TNPO1: variants seen among roughly 807,000 people sequenced by gnomAD.
TNPO1 encodes transportin 1.
Under a neutral mutation model 119.5 loss-of-function variants are expected in TNPO1, and 8 were observed. That is an observed-to-expected ratio of 0.07 (90% confidence interval 0.04 to 0.12). The LOEUF is 0.12. Ranked by LOEUF, TNPO1 falls within the 10% of genes least tolerant of loss-of-function variation. The pLI, the probability that TNPO1 is intolerant of heterozygous loss-of-function variation, is 1.00. For synonymous variants in TNPO1, 362 were observed against 363.0 expected, an observed-to-expected ratio of 1.00 and a Z score of 0.03; for missense variants, 576 against 1,089.8, an observed-to-expected ratio of 0.53 and a Z score of 6.64.
chr5:72,908,530 A>G (rs1750335225), intron 24 of TNPO1, among the ~76,000 whole-genome samples, 179 bp from the exon 25 acceptor site: 3 of 152,198 alleles, frequency 2.0e-5, no homozygotes, highest in East Asian at 1.9e-4. Flanking sequence ...ATTCAGTGCC[A>G]TAGGAGAAGG....
At position 72,893,124 on chromosome 5, in the gene TNPO1, CT is replaced by C; in HGVS notation, c.1789-12del. 1 of 1,601,520 alleles carries C rather than the reference CT, an allele frequency of 6.2e-7. No individual in the cohort carries two copies. The highest frequency in any genetic ancestry group is 8.5e-7 in the Non-Finnish European group (1 of 1,172,400). ...ATACCCAGAAAGTTTAGCATGTGTA[CT>C]TTATTCTTCCTAGTGCCTATCTTCA... On this transcript the variant is annotated splice_polypyrimidine_tract_variant and intron_variant, in intron 15 of 24. Coordinates refer to ENST00000337273, the MANE Select transcript of TNPO1 (RefSeq NM_002270.4).
chr5:72,884,063 G>T (rs1467675583), intron 11 of TNPO1, among the ~76,000 whole-genome samples: 1 of 152,084 alleles, frequency 6.6e-6, no homozygotes, highest in South Asian at 2.1e-4. Flanking sequence ...TGTGTATTCA[G>T]TTCTCTTGGG....
chr5:72,887,804 A>G (rs1748765350), intron 12 of TNPO1, among the ~76,000 whole-genome samples: 1 of 152,228 alleles, frequency 6.6e-6, no homozygotes, highest in Non-Finnish European at 1.5e-5. Flanking sequence ...AAACACAATA[A>G]GGCAAGACTC....
intron 3 of TNPO1, among the ~76,000 whole-genome samples, chr5:72,854,023 ATTC>A (rs1390670300): frequency 1.3e-5 from 2 of 152,222 alleles, no homozygotes; most frequent in African/African-American, 4.8e-5. Flanking sequence ...GTTTATTAAA[ATTC>A]TTCATCTTGT....
chr5:72,856,704 C>G lies in TNPO1; in HGVS notation c.355+781C>G, dbSNP rs1746028681. Reference sequence around the variant, plus strand: ...AGCCTTGTCAGTAATTCAGCAGCAACTTTTTAGTCTTTTCAGAGCGTTCAG... The same window carrying G: ...AGCCTTGTCAGTAATTCAGCAGCAAGTTTTTAGTCTTTTCAGAGCGTTCAG... On this transcript the variant is annotated intron_variant, in intron 4 of 24. Coordinates refer to ENST00000337273, the MANE Select transcript of TNPO1 (RefSeq NM_002270.4). Among the ~76,000 whole-genome samples, 3 of 152,256 alleles carry G rather than the reference C, an allele frequency of 2.0e-5. No homozygotes were observed. The South Asian group carries it at 6.2e-4, about 32-fold the overall frequency.
At position 72,893,369 on chromosome 5, in the gene TNPO1, A is replaced by T. The variant is rs773355071; in HGVS notation, c.1897-8A>T. ...CAAACTTACAAAAAACATTGTGTCT[A>T]ATTTCAGCTAAACAATGCTCAACCA... On this transcript the variant is annotated splice_region_variant and splice_polypyrimidine_tract_variant and intron_variant, in intron 16 of 24. Transcript: ENST00000337273. The T allele has an allele frequency of 1.9e-6, 3 of 1,611,610 alleles. No homozygotes were observed. The highest frequency in any genetic ancestry group is 2.5e-6 in the Non-Finnish European group (3 of 1,179,390).
chr5:72,841,410 G>A (rs1744908859), intron 1 of TNPO1, among the ~76,000 whole-genome samples: 1 of 152,006 alleles, frequency 6.6e-6, no homozygotes, highest in African/African-American at 2.4e-5. Flanking sequence ...GAGCCACCGC[G>A]CCCGGCTCAT....
chr5:72,865,069 T>C (rs1746777983), intron 5 of TNPO1, among the ~76,000 whole-genome samples: 2 of 152,232 alleles, frequency 1.3e-5, no homozygotes, highest in South Asian at 4.1e-4. Flanking sequence ...TTCTAAGTCA[T>C]TTAATGCTAA....
At chr5:72,882,636 A>G (rs1354272296) in intron 10 of TNPO1, 109 bp downstream of exon 10, 3 of 705,210 alleles carry the variant, frequency 4.3e-6, no homozygotes, top group Non-Finnish European at 7.2e-6. Flanking sequence ...CTGTAAATAG[A>G]CTTCCTATTA....
In TNPO1 at chr5:72,882,625, C is replaced by CA. The variant is rs1561341496; in HGVS notation, c.981+98_981+99insA. On this transcript the variant is annotated intron_variant, in intron 10 of 24. Transcript: ENST00000337273. ...TAAAACATTCATTGAGAATAGATCT[C>CA]CTGTAAATAGACTTCCTATTATCCA... 3.5e-5 allele frequency: 27 copies of CA among 762,756 alleles called. No homozygotes were observed. The South Asian group carries it at 4.7e-4, about 13-fold the overall frequency. 47.2% of individuals were successfully genotyped at this position (762,756 alleles called of 1,614,324 possible). A position where few individuals can be genotyped will look rare whatever the true frequency, so the allele number is the denominator to read the frequency against.
chr5:72,905,165 A>G, intron 23 of TNPO1, 138 bp from the exon 24 acceptor site: 1 of 638,420 alleles, frequency 1.6e-6, no homozygotes, highest in South Asian at 2.0e-5. Context: ...AATGGTGTAG[A>G]ATCCTACGAA....
intron 2 of TNPO1, among the ~76,000 whole-genome samples, chr5:72,848,788 C>G (rs1264776378): frequency 6.7e-6 from 1 of 148,538 alleles, no homozygotes; most frequent in Non-Finnish European, 1.5e-5. Flanking sequence ...CGCCCGGGAT[C>G]GCGACATGTG....
At chr5:72,900,154 T>C (rs962631291) in intron 21 of TNPO1, 73 bp downstream of exon 21, 3 of 1,322,738 alleles carry the variant, frequency 2.3e-6, no homozygotes, top group Admixed American at 1.8e-5. Flanking sequence ...CTTTTAGATA[T>C]ATTTTCAGTT....
chr5:72,848,210 G>A, intron 1 of TNPO1, 175 bp from the exon 2 acceptor site: 3 of 1,239,530 alleles, frequency 2.4e-6, no homozygotes, highest in South Asian at 2.5e-5. Context: ...CAGTTCCGCC[G>A]GGTTTCACTG....
intron 1 of TNPO1, chr5:72,848,094 C>T (rs1745217645): frequency 2.7e-6 from 3 of 1,121,240 alleles, no homozygotes; most frequent in African/African-American, 3.3e-5. Flanking sequence ...GTGAGCGGAT[C>T]TTGGGGCCAG....
intron 3 of TNPO1, among the ~76,000 whole-genome samples, chr5:72,854,464 A>C (rs1367816822): frequency 6.6e-6 from 1 of 152,204 alleles, no homozygotes. Context: ...TTTTTTAATA[A>C]GACGGGTAAA....
At chr5:72,885,402 A>G (rs1748545303) in intron 11 of TNPO1, among the ~76,000 whole-genome samples, 1 of 152,176 alleles carries the variant, frequency 6.6e-6, no homozygotes, top group Non-Finnish European at 1.5e-5. Context: ...CTACAAAATA[A>G]TATACATACA....
chr5:72,849,514 A>G (rs1745391456), intron 2 of TNPO1, among the ~76,000 whole-genome samples: 1 of 152,214 alleles, frequency 6.6e-6, no homozygotes, highest in Non-Finnish European at 1.5e-5. Flanking sequence ...GTTTGAGTTT[A>G]TTTACATTTA....
chr5:72,848,553 C>A, intron 2 of TNPO1, 55 bp downstream of exon 2: 1 of 1,170,726 alleles, frequency 8.5e-7, no homozygotes, highest in South Asian at 2.2e-5. Flanking sequence ...CGCTGCGGCC[C>A]AGCCCCCGGC....
Sources: gnomAD v4.1 joint callset for allele counts (sites outside exome capture counted in the v4.1 genomes callset) on GRCh38, gnomAD v4.1.1 for gene constraint, MANE v1.5 for transcripts, NCBI Gene and HGNC (gene_info 2026-07-23, HGNC 2026-07-21) for gene names.